MAGI1: variants seen among roughly 807,000 people sequenced by gnomAD.
MAGI1 encodes the protein membrane associated guanylate kinase, WW and PDZ domain containing 1, also known as membrane-associated guanylate kinase, WW and PDZ domain-containing protein 1.
In MAGI1, 58 loss-of-function variants were observed where a neutral mutation model predicts 139.9. That is an observed-to-expected ratio of 0.41 (90% confidence interval 0.34 to 0.52). The LOEUF (loss-of-function observed/expected upper bound fraction) is 0.52, where lower values mean the gene tolerates loss of function less well. MAGI1 is among the 20% of genes least tolerant of loss of function. The probability of loss-of-function intolerance (pLI) is 0.12; values close to 1 mark genes in which losing one functional copy is unlikely to be tolerated. For missense variants in MAGI1, 1,874 were observed against 1,901.6 expected, an observed-to-expected ratio of 0.99 and a Z score of 0.27; for synonymous variants, 812 against 737.9, an observed-to-expected ratio of 1.10 and a Z score of -1.63.
chr3:65,493,632 C>A lies in MAGI1; in HGVS notation c.431-1G>T. ...CCTTCTCTGGGAGATCGGGTTGTGC[C>A]TGTAGCAGAAAATACAAAGGCACAA... On this transcript the variant is annotated splice_acceptor_variant, in intron 2 of 22. Coordinates refer to ENST00000402939, the MANE Select transcript of MAGI1 (RefSeq NM_001033057.2). LOFTEE classifies it high-confidence loss of function. The A allele has an allele frequency of 6.2e-7, 1 of 1,614,022 alleles. No homozygotes were observed. Among genetic ancestry groups the A allele is most frequent in the Non-Finnish European group, 8.5e-7 (1 of 1,180,026 alleles).
chr3:65,444,964 T>C (rs1344214602), intron 7 of MAGI1, among the ~76,000 whole-genome samples: 5 of 152,226 alleles, frequency 3.3e-5, no homozygotes, highest in East Asian at 3.8e-4. Context: ...AATAGGAAGA[T>C]GGTTGTCCTA....
At chr3:65,701,854 A>G (rs1024645255) in intron 1 of MAGI1, among the ~76,000 whole-genome samples, 1 of 152,254 alleles carries the variant, frequency 6.6e-6, no homozygotes, top group African/African-American at 2.4e-5. Flanking sequence ...AGAAAATAGT[A>G]AGAAATGGCT....
intron 1 of MAGI1, among the ~76,000 whole-genome samples, chr3:66,028,111 C>A (rs1036295900): frequency 6.6e-6 from 1 of 152,090 alleles, no homozygotes; most frequent in Non-Finnish European, 1.5e-5. Flanking sequence ...TCGAGACCAG[C>A]CTGAGCAATG....
At chr3:66,004,995 A>T (rs577335589) in intron 1 of MAGI1, among the ~76,000 whole-genome samples, 10 of 152,316 alleles carry the variant, frequency 6.6e-5, no homozygotes, top group African/African-American at 1.2e-4. Flanking sequence ...TCTGTATCCC[A>T]TTGACATCTG....
intron 2 of MAGI1, among the ~76,000 whole-genome samples, chr3:65,589,679 C>T (rs1362805384): frequency 1.3e-5 from 2 of 151,638 alleles, no homozygotes; most frequent in African/African-American, 4.9e-5. Flanking sequence ...CTACTCAACA[C>T]TCCCAATGTG....
chr3:65,941,351 A>C (rs1246452542), intron 1 of MAGI1, among the ~76,000 whole-genome samples: 3 of 152,132 alleles, frequency 2.0e-5, no homozygotes, highest in Non-Finnish European at 4.4e-5. Flanking sequence ...CGTCTCAAAA[A>C]AAAAAAAAGA....
chr3:65,758,028 T>G (rs1377536567), intron 1 of MAGI1, among the ~76,000 whole-genome samples: 1 of 152,182 alleles, frequency 6.6e-6, no homozygotes, highest in Non-Finnish European at 1.5e-5. Flanking sequence ...TCACAGCATC[T>G]TACACACACA....
rs745355125 is a variant in MAGI1, at chr3:65,357,000, TGTG to T, written c.3764_3766del (p.Pro1255del). The T allele has an allele frequency of 6.2e-7, 1 of 1,614,174 alleles. No individual in the cohort carries two copies. Among genetic ancestry groups the T allele is most frequent in the South Asian group, 1.1e-5 (1 of 91,088 alleles). ...CCTTGCGTGTGCCCGCTTTTCCCCA[TGTG>T]GTGATGATTTGTGAAGATCGGGTGG... On this transcript the variant is annotated inframe_deletion, in exon 23 of 23. Coordinates refer to ENST00000402939, the MANE Select transcript of MAGI1 (RefSeq NM_001033057.2).
At chr3:65,797,625 G>C (rs1419172869) in intron 1 of MAGI1, among the ~76,000 whole-genome samples, 1 of 151,932 alleles carries the variant, frequency 6.6e-6, no homozygotes, top group Non-Finnish European at 1.5e-5. Flanking sequence ...CTGAGGTCAG[G>C]TGATCACCTG....
intron 5 of MAGI1, among the ~76,000 whole-genome samples, chr3:65,469,129 G>C (rs550550723): frequency 7.9e-5 from 12 of 152,182 alleles, no homozygotes; most frequent in African/African-American, 2.6e-4. Context: ...CCTAGAACTT[G>C]ATCTACATAT....
chr3:66,016,922 T>A (rs58418963), intron 1 of MAGI1, among the ~76,000 whole-genome samples: 10,397 of 152,182 alleles, frequency 0.068, 379 homozygotes, highest in East Asian at 0.082. Flanking sequence ...GATTTCACTT[T>A]TATGAGGTAT....
At chr3:65,997,002 C>T (rs2066485113) in intron 1 of MAGI1, among the ~76,000 whole-genome samples, 1 of 152,202 alleles carries the variant, frequency 6.6e-6, no homozygotes, top group Non-Finnish European at 1.5e-5. Context: ...AACCAGACTG[C>T]TGATTTTCTC....
intron 2 of MAGI1, among the ~76,000 whole-genome samples, chr3:65,505,611 C>T (rs554007420): frequency 5.3e-4 from 80 of 149,872 alleles, no homozygotes; most frequent in Non-Finnish European, 8.7e-4. Flanking sequence ...CGTGCCACTG[C>T]ACTCCAGCCT....
intron 1 of MAGI1, among the ~76,000 whole-genome samples, chr3:65,846,411 C>T (rs2058996631): frequency 6.6e-6 from 1 of 152,170 alleles, no homozygotes; most frequent in Non-Finnish European, 1.5e-5. Context: ...GCAGGTTTGG[C>T]CTTTGAGTGA....
chr3:65,822,799 G>A (rs975036123), intron 1 of MAGI1, among the ~76,000 whole-genome samples: 2 of 152,136 alleles, frequency 1.3e-5, no homozygotes, highest in Admixed American at 1.3e-4. Flanking sequence ...CAGAGCTTGC[G>A]AGAACTCACT....
intron 1 of MAGI1, chr3:66,003,692 C>T (rs1240795486): frequency 6.6e-6 from 1 of 152,100 alleles, no homozygotes; most frequent in Non-Finnish European, 1.5e-5. Flanking sequence ...TGCTCTTGAC[C>T]TCCTGACCTC....
intron 1 of MAGI1, among the ~76,000 whole-genome samples, chr3:66,010,119 T>G (rs2067250753): frequency 6.7e-6 from 1 of 150,106 alleles, no homozygotes; most frequent in Admixed American, 6.6e-5. Flanking sequence ...CATTGTTTAT[T>G]TTTAAAAACA....
At chr3:65,738,735 T>C (rs2035001470) in intron 1 of MAGI1, among the ~76,000 whole-genome samples, 3 of 152,222 alleles carry the variant, frequency 2.0e-5, no homozygotes, top group Admixed American at 6.5e-5. Flanking sequence ...AGGTGCCTTG[T>C]CGATGAGTAG....
chr3:65,869,845 G>A (rs369286943), intron 1 of MAGI1, among the ~76,000 whole-genome samples: 14 of 152,148 alleles, frequency 9.2e-5, no homozygotes, highest in African/African-American at 1.7e-4. Context: ...GCAATTAAGC[G>A]GTTGTAGTGC....
Sources: gnomAD v4.1 joint callset for allele counts (sites outside exome capture counted in the v4.1 genomes callset) on GRCh38, gnomAD v4.1.1 for gene constraint, MANE v1.5 for transcripts, NCBI Gene and HGNC (gene_info 2026-07-23, HGNC 2026-07-21) for gene names.